The following FAM135A variants were observed in gnomAD, a reference collection of about 807,000 sequenced individuals.
FAM135A encodes protein FAM135A.
A neutral mutation model predicts 146.8 loss-of-function variants in FAM135A; 79 were observed. The ratio of observed to expected loss-of-function variants is 0.54; its 90% CI spans 0.45 to 0.65. FAM135A has a LOEUF of 0.65. Among genes scored for constraint, FAM135A ranks in the 30% least tolerant of loss-of-function variants. The pLI is 0.00. For synonymous variants in FAM135A, 562 were observed against 603.6 expected (o/e 0.93, Z 1.01); for missense variants, 1,623 against 1,758.2 (o/e 0.92, Z 1.38).
chr6:70,466,065 G>A (rs996675735), intron 5 of FAM135A, among the ~76,000 whole-genome samples: 6 of 151,840 alleles, frequency 4.0e-5, no homozygotes, highest in African/African-American at 1.5e-4. Context: ...ACAGAATTAG[G>A]TGAGGTCAGG....
At chr6:70,488,388 A>G (rs377337087) in intron 10 of FAM135A, among the ~76,000 whole-genome samples, 2 of 152,186 alleles carry the variant, frequency 1.3e-5, no homozygotes, top group East Asian at 1.9e-4. Context: ...TCCAAAACTC[A>G]TATGTGTATA....
chr6:70,454,867 G>C (rs1324192041), intron 5 of FAM135A, among the ~76,000 whole-genome samples: 1 of 152,162 alleles, frequency 6.6e-6, no homozygotes, highest in African/African-American at 2.4e-5. Flanking sequence ...GTAGCATGAC[G>C]TCTCCAGCTT....
In FAM135A at chr6:70,526,748, TATACACACACACACACATACAC is replaced by T. The variant is rs756914145; in HGVS notation, c.3614+52_3614+73del. On this transcript the variant is annotated intron_variant, in intron 15 of 21. Transcript: ENST00000418814. ...CTGCTGCTAAATATATACATATATATATACACACACACACACATACACACACACACACACACACACACACACA... is the reference window on the plus strand; with the variant it reads ...CTGCTGCTAAATATATACATATATATACACACACACACACACACACACACA... 3.6e-3 allele frequency: 3,941 copies of T among 1,091,950 alleles called. 169 individuals are homozygous for T. Among genetic ancestry groups the T allele is most frequent in the Middle Eastern group, 4.7e-3 (21 of 4,502 alleles). The allele number at this position is 1,091,950 out of a possible 1,614,324, so 67.6% of individuals were successfully genotyped here.
intron 12 of FAM135A, among the ~76,000 whole-genome samples, chr6:70,516,487 G>T (rs1792240376): frequency 6.7e-6 from 1 of 148,312 alleles, no homozygotes; most frequent in African/African-American, 2.5e-5. Flanking sequence ...ATTCTTATTA[G>T]CTTTTATTGA....
intron 12 of FAM135A, among the ~76,000 whole-genome samples, chr6:70,509,602 C>T (rs563971150): frequency 6.6e-5 from 10 of 152,160 alleles, no homozygotes; most frequent in South Asian, 4.1e-4. Context: ...ACTTAATAAA[C>T]GTGTATAGCA....
intron 11 of FAM135A, among the ~76,000 whole-genome samples, chr6:70,493,987 G>A (rs1786638417): frequency 6.7e-6 from 1 of 148,802 alleles, no homozygotes; most frequent in Non-Finnish European, 1.5e-5. Context: ...CCGGGAGGCA[G>A]TGGTTACAGT....
rs780593409 is a variant in FAM135A at position 70,524,706 on chromosome 6, A to G, written c.1622A>G (p.Asn541Ser). The change falls in exon 15 of 22, where the codon AAT becomes AGT. Residue 541 changes from asparagine to serine, a missense_variant. By Grantham distance (46) the Asn-to-Ser change is conservative. Transcript: ENST00000418814. ...GATCTCATTAAATGCTTTGAAGGCA[A>G]TCCTTCACATAGTCAGAAGGAAGGT... ...SNDLIKCFEG[N>S]PSHSQKEGLD... is the part of the protein sequence containing the mutation. 49 of 1,550,068 alleles carry G rather than the reference A, an allele frequency of 3.2e-5. No homozygotes were observed. Among genetic ancestry groups the G allele is most frequent in the Admixed American group, 3.9e-5 (2 of 50,764 alleles).
chr6:70,498,361 CTCTTT>C (rs1336116557), intron 11 of FAM135A, among the ~76,000 whole-genome samples: 5 of 152,180 alleles, frequency 3.3e-5, no homozygotes, highest in Non-Finnish European at 5.9e-5. Context: ...TGATTCTTCT[CTCTTT>C]TCTTCTTTAT....
intron 12 of FAM135A, among the ~76,000 whole-genome samples, chr6:70,508,097 A>C (rs1354518990): frequency 6.6e-6 from 1 of 152,172 alleles, no homozygotes; most frequent in Non-Finnish European, 1.5e-5. Context: ...GGTTCATACT[A>C]GTGGATTGCA....
intron 12 of FAM135A, 56 bp from the exon 13 acceptor site, chr6:70,522,457 C>T (rs1017275668): frequency 4.0e-6 from 6 of 1,494,522 alleles, no homozygotes; most frequent in Non-Finnish European, 5.6e-6. Flanking sequence ...CATAAGATGC[C>T]GGATTGACTT....
intron 4 of FAM135A, among the ~76,000 whole-genome samples, chr6:70,448,820 A>T (rs1203156763): frequency 6.6e-6 from 1 of 152,248 alleles, no homozygotes; most frequent in Non-Finnish European, 1.5e-5. Context: ...CTGCAGCAGG[A>T]GCATGTCCTT....
intron 11 of FAM135A, 143 bp from the exon 12 acceptor site, chr6:70,502,493 C>T (rs1455016875): frequency 2.9e-6 from 2 of 698,570 alleles, no homozygotes; most frequent in Non-Finnish European, 4.5e-6. Flanking sequence ...TTTGTCTCTA[C>T]ACATGTGCAT....
intron 12 of FAM135A, among the ~76,000 whole-genome samples, chr6:70,522,311 G>A (rs1471995871): frequency 6.6e-6 from 1 of 151,858 alleles, no homozygotes; most frequent in Admixed American, 6.6e-5. Context: ...AATCATAATA[G>A]TTTATATTTA....
At chr6:70,437,825 A>G (rs1392085590) in intron 4 of FAM135A, among the ~76,000 whole-genome samples, 1 of 152,158 alleles carries the variant, frequency 6.6e-6, no homozygotes, top group Non-Finnish European at 1.5e-5. Context: ...TTGAAAAACA[A>G]TTTCCATTTT....
chr6:70,553,843 TAAGAGGAG>T (rs1358588458), intron 20 of FAM135A, among the ~76,000 whole-genome samples: 1 of 152,142 alleles, frequency 6.6e-6, no homozygotes, highest in Non-Finnish European at 1.5e-5. Flanking sequence ...GTGATACTGG[TAAGAGGAG>T]AAAGCAACAT....
At chr6:70,434,695 TA>T (rs1562410436) in intron 4 of FAM135A, among the ~76,000 whole-genome samples, 1 of 152,206 alleles carries the variant, frequency 6.6e-6, no homozygotes, top group African/African-American at 2.4e-5. Flanking sequence ...GGCAAATATT[TA>T]GAAGACATTT....
chr6:70,457,918 A>C (rs1582259302), intron 5 of FAM135A, among the ~76,000 whole-genome samples: 1 of 152,204 alleles, frequency 6.6e-6, no homozygotes, highest in East Asian at 1.9e-4. Flanking sequence ...GCTGCTGCCA[A>C]CTAAGTTTCT....
Position 70,524,494 on chromosome 6 carries a change from A to G in FAM135A, c.1410A>G (p.Thr470=), listed in dbSNP as rs1794281044. 3 of 1,551,340 alleles carry G rather than the reference A, an allele frequency of 1.9e-6. No individual in the cohort carries two copies. The highest frequency in any genetic ancestry group is 2.6e-6 in the Non-Finnish European group (3 of 1,146,782). ...RPAGASSIWY[T]EGEKQLTKSL... is the part of the protein sequence containing the mutation. ...CTGGTGCCTCCAGTATTTGGTATAC[A>G]GAAGGTGAAAAGCAGCTAACAAAAT... Residue 470 remains threonine, a synonymous_variant, in exon 15 of 22, where the codon ACA becomes ACG. Coordinates refer to ENST00000418814, the MANE Select transcript of FAM135A (RefSeq NM_001162529.3).
chr6:70,519,279 A>G (rs1347773862), intron 12 of FAM135A, among the ~76,000 whole-genome samples: 2 of 152,236 alleles, frequency 1.3e-5, no homozygotes, highest in African/African-American at 2.4e-5. Flanking sequence ...CTCATTATCA[A>G]ACTTGAATAG....
Sources: gnomAD v4.1 joint callset for allele counts (sites outside exome capture counted in the v4.1 genomes callset) on GRCh38, gnomAD v4.1.1 for gene constraint, MANE v1.5 for transcripts, NCBI Gene and HGNC (gene_info 2026-07-23, HGNC 2026-07-21) for gene names.